The following DOCK3 variants were observed in gnomAD, a reference collection of about 807,000 sequenced individuals.
DOCK3 encodes dedicator of cytokinesis protein 3.
Under a neutral mutation model 265.6 loss-of-function variants are expected in DOCK3, and 60 were observed. That is an observed-to-expected ratio of 0.23 (90% CI 0.18 to 0.28). DOCK3 has a LOEUF of 0.28. Among genes scored for constraint, DOCK3 ranks in the 10% least tolerant of loss-of-function variants. The probability of loss-of-function intolerance (pLI) is 1.00; values close to 1 mark genes in which losing one functional copy is unlikely to be tolerated. For synonymous variants in DOCK3, 881 were observed against 938.0 expected, an observed-to-expected ratio of 0.94 and a Z score of 1.11; for missense variants, 1,981 against 2,594.3, an observed-to-expected ratio of 0.76 and a Z score of 5.14.
chr3:50,839,771 C>T (rs1386069849), intron 2 of DOCK3, among the ~76,000 whole-genome samples: 1 of 122,330 alleles, frequency 8.2e-6, no homozygotes, highest in Non-Finnish European at 1.7e-5. Context: ...CCTCTCTCCT[C>T]TCCTCTTCTT....
intron 9 of DOCK3, among the ~76,000 whole-genome samples, chr3:51,093,984 A>G (rs890351732): frequency 2.0e-5 from 3 of 152,192 alleles, no homozygotes; most frequent in Non-Finnish European, 4.4e-5. Context: ...TGATATGCAT[A>G]TGTTGAACCA....
At chr3:51,289,108 G>A (rs1200985327) in intron 27 of DOCK3, among the ~76,000 whole-genome samples, 1 of 152,098 alleles carries the variant, frequency 6.6e-6, no homozygotes. Context: ...ATTCTACACA[G>A]CCATAAAAAA....
intron 12 of DOCK3, among the ~76,000 whole-genome samples, chr3:51,176,051 A>G (rs960268345): frequency 2.6e-4 from 39 of 152,328 alleles, no homozygotes; most frequent in Non-Finnish European, 2.2e-4. Flanking sequence ...AGTTGCCACT[A>G]TCTGTAGCCT....
At chr3:51,127,114 A>G (rs1375732176) in intron 9 of DOCK3, among the ~76,000 whole-genome samples, 1 of 152,156 alleles carries the variant, frequency 6.6e-6, no homozygotes, top group African/African-American at 2.4e-5. Flanking sequence ...AGCTTGGGAG[A>G]AAGATGTAGG....
intron 3 of DOCK3, among the ~76,000 whole-genome samples, chr3:50,889,815 T>C (rs998637418): frequency 6.6e-6 from 1 of 152,084 alleles, no homozygotes; most frequent in Non-Finnish European, 1.5e-5. Context: ...AAGATCACAG[T>C]TGTCTCCTGA....
intron 1 of DOCK3, among the ~76,000 whole-genome samples, chr3:50,704,868 A>G (rs1251234824): frequency 6.6e-6 from 1 of 152,084 alleles, no homozygotes; most frequent in African/African-American, 2.4e-5. Flanking sequence ...ACATCAAGCG[A>G]TCCATCTGCC....
rs1199084503 is a variant in DOCK3 at position 51,307,883 on chromosome 3, T to G, written c.2923-2349T>G. Among the ~76,000 whole-genome samples the G allele has an allele frequency of 2.1e-3, 317 of 149,376 alleles. 4 individuals carry two copies. Among genetic ancestry groups the G allele is most frequent in the Admixed American group, 3.5e-3 (53 of 14,980 alleles). The stretch of plus-strand genomic sequence containing the variant: ...CTGGGATGTTAAATTATATGGGTTT[T>G]TTTTTTTGTTTTTTTTTTCTCTCCA... On this transcript the variant is annotated intron_variant, in intron 27 of 52. Transcript: ENST00000266037.
chr3:51,255,453 A>G (rs529025109), intron 22 of DOCK3, among the ~76,000 whole-genome samples: 211 of 152,004 alleles, frequency 1.4e-3, no homozygotes, highest in Non-Finnish European at 2.3e-3. Context: ...ATAATATCCT[A>G]AAGAGTGTTT....
chr3:51,203,859 C>T (rs1167101271), intron 12 of DOCK3, among the ~76,000 whole-genome samples: 6 of 152,216 alleles, frequency 3.9e-5, no homozygotes, highest in South Asian at 2.1e-4. Flanking sequence ...GAAATAACTC[C>T]GCGTATCTAC....
rs1192282536 is a variant in DOCK3 at position 51,381,527 on chromosome 3, A to G, written c.6061A>G (p.Met2021Val). 1.1e-5 allele frequency: 18 copies of G among 1,566,172 alleles called. No individual in the cohort carries two copies. The South Asian group carries it at 1.5e-4, about 13-fold the overall frequency. Residue 2021 changes from methionine to valine, a missense_variant, in exon 53 of 53, where the codon ATG (methionine) becomes GTG (valine). This residue lies in a region of DOCK3 where 149 missense variants were observed against 144.7 expected (regional missense o/e 1.03). Transcript: ENST00000266037. This position sits in a 1 kb window ranked among gnomAD's most constrained non-coding sequence, Gnocchi z 5.6. The part of the protein sequence containing the change: ...PGSAKEEQAR[M>V]AWEHGRGEQ ...GAGCGCTAAGGAGGAGCAGGCCCGCATGGCCTGGGAGCACGGCCGAGGGGA... is the reference window on the plus strand; with the variant it reads ...GAGCGCTAAGGAGGAGCAGGCCCGCGTGGCCTGGGAGCACGGCCGAGGGGA...
chr3:51,323,466 C>T (rs2083877891), intron 32 of DOCK3, among the ~76,000 whole-genome samples: 1 of 152,198 alleles, frequency 6.6e-6, no homozygotes, highest in South Asian at 2.1e-4. Flanking sequence ...GTAAAACACT[C>T]CTTGGCAAAT....
At position 51,314,966 on chromosome 3, in the gene DOCK3, G is replaced by T; in HGVS notation, c.3254-14G>T. On this transcript the variant is annotated splice_polypyrimidine_tract_variant and intron_variant, in intron 31 of 52. Transcript: ENST00000266037. ...GCAAAGCAGGCATAAACTAATTTGG[G>T]TTTTGTTTTTCAGGTGAACATAAGA... 1 of 1,595,080 alleles carries T rather than the reference G, an allele frequency of 6.3e-7. No homozygotes were observed. Among genetic ancestry groups the T allele is most frequent in the Non-Finnish European group, 8.6e-7 (1 of 1,168,000 alleles).
intron 5 of DOCK3, among the ~76,000 whole-genome samples, chr3:50,970,948 A>ATGTG (rs71637577): frequency 0.011 from 569 of 51,694 alleles, 12 homozygotes; most frequent in African/African-American, 0.02. Flanking sequence ...TATATATATA[A>ATGTG]TGTGTGTGTG....
intron 30 of DOCK3, 40 bp downstream of exon 30, chr3:51,312,616 C>A: frequency 6.6e-7 from 1 of 1,509,686 alleles, no homozygotes; most frequent in South Asian, 1.3e-5. Flanking sequence ...TACCACTTGG[C>A]CAAATAGGGC....
At chr3:51,272,534 G>A (rs538118908) in intron 24 of DOCK3, among the ~76,000 whole-genome samples, 1 of 147,890 alleles carries the variant, frequency 6.8e-6, no homozygotes, top group African/African-American at 2.5e-5. Context: ...TGATCCACCC[G>A]CCTCAGCCTC....
chr3:50,771,567 A>G (rs571680060), intron 1 of DOCK3, among the ~76,000 whole-genome samples: 1 of 152,120 alleles, frequency 6.6e-6, no homozygotes, highest in Non-Finnish European at 1.5e-5. Flanking sequence ...AACTAGAGCT[A>G]CTGGCCGGGT....
chr3:51,017,566 T>G (rs1433049618), intron 5 of DOCK3, among the ~76,000 whole-genome samples: 2 of 151,882 alleles, frequency 1.3e-5, no homozygotes, highest in Non-Finnish European at 2.9e-5. Context: ...GTTTCTGTTG[T>G]TTGTTTCAAG....
chr3:51,089,011 T>G (rs1404800482), intron 7 of DOCK3, among the ~76,000 whole-genome samples: 1 of 152,206 alleles, frequency 6.6e-6, no homozygotes, highest in Non-Finnish European at 1.5e-5. Context: ...GGCTCAGGTT[T>G]GAATCTGGAT....
chr3:50,781,822 C>G (rs2041935154), intron 2 of DOCK3, among the ~76,000 whole-genome samples: 1 of 152,110 alleles, frequency 6.6e-6, no homozygotes, highest in Non-Finnish European at 1.5e-5. Flanking sequence ...TTGTTGCCCT[C>G]TGTGTGTCCA....
Sources: allele counts gnomAD v4.1 joint callset (sites outside exome capture counted in the v4.1 genomes callset), GRCh38; gene constraint gnomAD v4.1.1; regional missense constraint gnomAD v4.1.1; non-coding constraint Gnocchi (gnomAD v3.1); transcripts MANE v1.5; gene names NCBI Gene and HGNC (gene_info 2026-07-23, HGNC 2026-07-21).